RSBN1L: variants seen among roughly 807,000 people sequenced by gnomAD.
The protein encoded by RSBN1L is round spermatid basic protein 1 like.
A neutral mutation model predicts 67.7 loss-of-function variants in RSBN1L; 30 were observed. The ratio of observed to expected loss-of-function variants is 0.44; its 90% confidence interval spans 0.33 to 0.60. The LOEUF is 0.60. Ranked by LOEUF, RSBN1L falls within the 20% of genes least tolerant of loss-of-function variation. RSBN1L has a pLI of 0.02. For missense variants in RSBN1L, 992 were observed against 1,031.7 expected (o/e 0.96, Z 0.53); for synonymous variants, 433 against 387.0 (o/e 1.12, Z -1.39).
intron 3 of RSBN1L, among the ~76,000 whole-genome samples, chr7:77,760,793 G>T (rs1445911698): frequency 3.3e-5 from 5 of 152,092 alleles, no homozygotes; most frequent in Non-Finnish European, 7.4e-5. Context: ...CTGCCACCAT[G>T]CCTGGCTAAT....
intron 5 of RSBN1L, among the ~76,000 whole-genome samples, chr7:77,772,368 G>C (rs1418530635): frequency 2.0e-5 from 3 of 152,202 alleles, no homozygotes; most frequent in Admixed American, 2.0e-4. Context: ...AACCGTAGAG[G>C]AAGATAAAAT....
At chr7:77,757,245 GAC>G (rs1175907680) in intron 3 of RSBN1L, among the ~76,000 whole-genome samples, 1 of 152,114 alleles carries the variant, frequency 6.6e-6, no homozygotes, top group Non-Finnish European at 1.5e-5. Flanking sequence ...ACACAACACT[GAC>G]AAAGGATTAA....
intron 2 of RSBN1L, among the ~76,000 whole-genome samples, chr7:77,741,069 C>G (rs1791403832): frequency 6.7e-6 from 1 of 150,226 alleles, no homozygotes; most frequent in African/African-American, 2.5e-5. Flanking sequence ...TCACTGTAAC[C>G]TCTGTTTCCC....
At chr7:77,759,613 T>A (rs1791671468) in intron 3 of RSBN1L, 1 of 152,154 alleles carries the variant, frequency 6.6e-6, no homozygotes, top group Non-Finnish European at 1.5e-5. Flanking sequence ...AATCAACAGC[T>A]TCTGCTCCCA....
rs779910437 is a variant in RSBN1L at position 77,778,365 on chromosome 7, T to C, written c.1821T>C (p.Asp607=). Residue 607 remains aspartate (D), a synonymous_variant, in exon 7 of 8, where the codon GAT becomes GAC. Coordinates refer to ENST00000334955, the MANE Select transcript of RSBN1L (RefSeq NM_198467.3). ...CTGATCAACCCCGTATAACCAAAGATGTAATTTGTTTTCATGCTGAAGATT... is the reference window on the plus strand; with the variant it reads ...CTGATCAACCCCGTATAACCAAAGACGTAATTTGTTTTCATGCTGAAGATT... The part of the protein sequence containing the change: ...EWPDQPRITK[D]VICFHAEDFL... 3.7e-6 allele frequency: 6 copies of C among 1,612,140 alleles called. No homozygotes were observed. In the South Asian group the frequency reaches 6.6e-5, roughly 18 times the overall value.
chr7:77,723,115 C>T (rs1342854003), intron 1 of RSBN1L, among the ~76,000 whole-genome samples: 1 of 151,678 alleles, frequency 6.6e-6, no homozygotes. Flanking sequence ...TACAGGCATG[C>T]GCCACCTCGC....
In RSBN1L at chr7:77,779,863, T is replaced by C. The variant is rs1791975985; in HGVS notation, c.*695T>C. ...TCTTTTTTTTGATACGGAGTTTCAT[T>C]CTGTCACCAGGCTGGAGTTCAGTGG... is the stretch of plus-strand genomic sequence containing the variant. On this transcript the variant is annotated 3_prime_UTR_variant, in exon 8 of 8. Transcript: ENST00000334955. 6.6e-6 allele frequency: 1 copy of C among 151,546 alleles called. No homozygotes were observed. Among genetic ancestry groups the C allele is most frequent in the Admixed American group, 6.6e-5 (1 of 15,208 alleles). 9.4% of individuals were successfully genotyped at this position (151,546 alleles called of 1,614,324 possible).
rs182204230 is a variant in RSBN1L, at chr7:77,701,514, C to T, written c.586+4459C>T. On this transcript the variant is annotated intron_variant, in intron 1 of 7. Transcript: ENST00000334955. Reference sequence around the variant, plus strand: ...CTGGTTCCCAAAGTAGATGTTAAGACGTCTGATCTCCAAAAAGTTGTCTAT... The same window carrying T: ...CTGGTTCCCAAAGTAGATGTTAAGATGTCTGATCTCCAAAAAGTTGTCTAT... Among the ~76,000 whole-genome samples, 7 of 152,202 alleles carry T rather than the reference C, an allele frequency of 4.6e-5. No individual in the cohort carries two copies. The East Asian group carries it at 9.6e-4, about 21-fold the overall frequency.
At chr7:77,768,838 A>C (rs760308157) in intron 5 of RSBN1L, 35 bp downstream of exon 5, 1 of 1,602,260 alleles carries the variant, frequency 6.2e-7, no homozygotes. Context: ...GGAGGGGATG[A>C]GTGTTTGTAT....
intron 1 of RSBN1L, among the ~76,000 whole-genome samples, chr7:77,710,950 A>C (rs1288778708): frequency 5.3e-5 from 8 of 152,188 alleles, no homozygotes; most frequent in Non-Finnish European, 8.8e-5. Context: ...AGTTCTGTGA[A>C]AGCTGGGTCT....
chr7:77,745,785 C>A (rs1443176946), intron 2 of RSBN1L, among the ~76,000 whole-genome samples: 1 of 152,090 alleles, frequency 6.6e-6, no homozygotes, highest in Non-Finnish European at 1.5e-5. Flanking sequence ...ATATAACTCA[C>A]CATAATGTAG....
chr7:77,708,948 AAAG>A (rs1019313072), intron 1 of RSBN1L, among the ~76,000 whole-genome samples: 46 of 152,338 alleles, frequency 3.0e-4, no homozygotes, highest in Middle Eastern at 3.4e-3. Context: ...ATGTAGCAAG[AAAG>A]AAGGATTCAT....
chr7:77,781,991 A>AAG lies in RSBN1L; in HGVS notation c.*2824_*2825dup. On this transcript the variant is annotated 3_prime_UTR_variant, in exon 8 of 8. Coordinates refer to ENST00000334955, the MANE Select transcript of RSBN1L (RefSeq NM_198467.3). ...CAGTCTCAAAAAAAAAAAAAAAAAA[A>AAG]AGCATACATCTCTGAAGGTAAAGTA... 1 of 151,642 alleles carries AAG rather than the reference A, an allele frequency of 6.6e-6. No individual in the cohort carries two copies. The highest frequency in any genetic ancestry group is 1.5e-5 in the Non-Finnish European group (1 of 67,930). 9.4% of individuals were successfully genotyped at this position (151,642 alleles called of 1,614,324 possible).
At position 77,780,318 on chromosome 7, in the gene RSBN1L, A is replaced by C. The variant is rs988332784; in HGVS notation, c.*1150A>C. ...ATTGAAAAAAGTTTTATATTAAACT[A>C]TTAAGAAAGCAGTTTAGGTAATAGA... On this transcript the variant is annotated 3_prime_UTR_variant, in exon 8 of 8. Coordinates refer to ENST00000334955, the MANE Select transcript of RSBN1L (RefSeq NM_198467.3). 2 of 152,192 alleles carry C rather than the reference A, an allele frequency of 1.3e-5. No homozygotes were observed. The highest frequency in any genetic ancestry group is 2.9e-5 in the Non-Finnish European group (2 of 68,030). The allele number at this position is 152,192 out of a possible 1,614,324, so 9.4% of individuals were successfully genotyped here.
At chr7:77,762,051 C>A (rs1252025165) in intron 3 of RSBN1L, among the ~76,000 whole-genome samples, 2 of 152,040 alleles carry the variant, frequency 1.3e-5, no homozygotes, top group African/African-American at 4.8e-5. Context: ...TATTAGTGGG[C>A]AAATGGCATC....
rs1200067767 is a variant in RSBN1L, at chr7:77,773,331, C to T, written c.1793+17C>T. The T allele has an allele frequency of 9.8e-6, 14 of 1,421,326 alleles. No homozygotes were observed. Among genetic ancestry groups the T allele is most frequent in the Non-Finnish European group, 1.2e-5 (13 of 1,073,856 alleles). 88.0% of individuals were successfully genotyped at this position (1,421,326 alleles called of 1,614,324 possible). On this transcript the variant is annotated intron_variant, in intron 6 of 7. Coordinates refer to ENST00000334955, the MANE Select transcript of RSBN1L (RefSeq NM_198467.3). Reference sequence around the variant, plus strand: ...TGGAGAGTGGTATATATAACTACCGCTATTTTAATGAAAGAATTTCTTGGC... The same window carrying T: ...TGGAGAGTGGTATATATAACTACCGTTATTTTAATGAAAGAATTTCTTGGC...
Position 77,709,152 on chromosome 7 carries a change from T to TTGTGTGTGTGTG in RSBN1L, c.586+12131_586+12142dup, listed in dbSNP as rs67322019. 2.7e-4 allele frequency among the ~76,000 whole-genome samples: 39 copies of TTGTGTGTGTGTG among 142,458 alleles called. 1 individual carries two copies. Among genetic ancestry groups the TTGTGTGTGTGTG allele is most frequent in the African/African-American group, 9.0e-4 (35 of 38,896 alleles). The allele number at this position is 142,458 out of a possible 152,430, so 93.5% of individuals were successfully genotyped here. ...CTGCTCGACATAGAAGGGATTCTGT[T>TTGTGTGTGTGTG]TGTGTGTGTGTGTGTGTGTGTGTGT... is the stretch of plus-strand genomic sequence containing the variant. On this transcript the variant is annotated intron_variant, in intron 1 of 7. Coordinates refer to ENST00000334955, the MANE Select transcript of RSBN1L (RefSeq NM_198467.3).
intron 1 of RSBN1L, among the ~76,000 whole-genome samples, chr7:77,725,044 A>ATG (rs1358414531): frequency 7.0e-6 from 1 of 142,092 alleles, no homozygotes; most frequent in Non-Finnish European, 1.6e-5. Context: ...GGGTTTCACC[A>ATG]TGTTGGCCAG....
At chr7:77,708,019 A>G (rs1417850894) in intron 1 of RSBN1L, among the ~76,000 whole-genome samples, 5 of 152,210 alleles carry the variant, frequency 3.3e-5, no homozygotes, top group African/African-American at 9.7e-5. Flanking sequence ...TCTAGGTTTC[A>G]GATCTTTAGA....
Sources: allele counts gnomAD v4.1 joint callset (sites outside exome capture counted in the v4.1 genomes callset), GRCh38; gene constraint gnomAD v4.1.1; transcripts MANE v1.5; gene names NCBI Gene and HGNC (gene_info 2026-07-23, HGNC 2026-07-21).